AFF1: variants seen among roughly 807,000 people sequenced by gnomAD.
AFF1 encodes the protein ALF transcription elongation factor 1.
In AFF1, 48 loss-of-function variants were observed where a neutral mutation model predicts 121.7. That is an observed-to-expected ratio of 0.39 (90% CI 0.31 to 0.50). AFF1 has a LOEUF of 0.50. AFF1 is among the 20% of genes least tolerant of loss of function. The probability of loss-of-function intolerance (pLI) is 0.76; values close to 1 mark genes in which losing one functional copy is unlikely to be tolerated. For missense variants in AFF1, 1,523 were observed against 1,511.7 expected (o/e 1.01, Z -0.12); for synonymous variants, 613 against 563.0 (o/e 1.09, Z -1.26).
chr4:86,978,055 G>A (rs1241766136), intron 2 of AFF1, among the ~76,000 whole-genome samples: 1 of 151,234 alleles, frequency 6.6e-6, no homozygotes, highest in Non-Finnish European at 1.5e-5. Context: ...GCTATGATGT[G>A]GTTTAGTTGT....
intron 3 of AFF1, 31 bp downstream of exon 3, chr4:87,046,317 T>C (rs776109628): frequency 5.2e-5 from 84 of 1,603,656 alleles, no homozygotes; most frequent in Non-Finnish European, 7.0e-5. Flanking sequence ...ATTGAAGTCC[T>C]GATTTATCAC....
At chr4:87,125,757 T>TG (rs1341089284) in intron 13 of AFF1, among the ~76,000 whole-genome samples, 4 of 152,088 alleles carry the variant, frequency 2.6e-5, no homozygotes, top group African/African-American at 9.7e-5. Context: ...CCGACAGAGA[T>TG]GGGGAAGGCT....
intron 2 of AFF1, among the ~76,000 whole-genome samples, chr4:87,006,671 T>C (rs1726151282): frequency 1.3e-5 from 2 of 152,230 alleles, no homozygotes; most frequent in South Asian, 2.1e-4. Context: ...GGGGGCCCCA[T>C]ATTCAACAAA....
At chr4:87,044,476 G>T (rs1269378966) in intron 2 of AFF1, among the ~76,000 whole-genome samples, 3 of 152,182 alleles carry the variant, frequency 2.0e-5, no homozygotes, top group African/African-American at 7.2e-5. Flanking sequence ...GATGTGTTAG[G>T]TAAGCACATA....
intron 2 of AFF1, among the ~76,000 whole-genome samples, chr4:86,979,171 C>T (rs1388286986): frequency 6.6e-6 from 1 of 152,156 alleles, no homozygotes; most frequent in African/African-American, 2.4e-5. Flanking sequence ...GATCTCGACT[C>T]ACTGCAACCT....
chr4:87,040,679 C>T (rs1447206514), intron 2 of AFF1, among the ~76,000 whole-genome samples: 1 of 151,776 alleles, frequency 6.6e-6, no homozygotes, highest in African/African-American at 2.4e-5. Context: ...AAACAGTTCT[C>T]CTGCCTCAGC....
intron 2 of AFF1, among the ~76,000 whole-genome samples, chr4:86,979,095 T>C (rs996972030): frequency 2.6e-5 from 4 of 152,106 alleles, no homozygotes; most frequent in Non-Finnish European, 5.9e-5. Context: ...CCTTTGCCTC[T>C]GCCTCTCTTT....
intron 2 of AFF1, among the ~76,000 whole-genome samples, chr4:86,954,272 T>C (rs1721584604): frequency 6.6e-6 from 1 of 152,224 alleles, no homozygotes; most frequent in Non-Finnish European, 1.5e-5. Context: ...GGGTAAAATA[T>C]CTACATGACT....
intron 12 of AFF1, among the ~76,000 whole-genome samples, chr4:87,121,888 A>G (rs1161363220): frequency 1.3e-5 from 2 of 152,218 alleles, no homozygotes; most frequent in Non-Finnish European, 2.9e-5. Context: ...CCTGACTTGT[A>G]TCTTCATGTG....
chr4:87,047,330 C>T lies in AFF1; in HGVS notation c.795C>T (p.Thr265=), dbSNP rs768447096. Residue 265 remains threonine (T), a synonymous_variant, in exon 4 of 21, where the codon ACC becomes ACT. Transcript: ENST00000395146. ...DLAVKVHDKE[T]PQDSLVAPAQ... Reference sequence around the variant, plus strand: ...CAGTGAAAGTCCATGATAAAGAGACCCCTCAAGACAGTTTGGTGGCCCCTG... The same window carrying T: ...CAGTGAAAGTCCATGATAAAGAGACTCCTCAAGACAGTTTGGTGGCCCCTG... 2 of 1,613,984 alleles carry T rather than the reference C, an allele frequency of 1.2e-6. No individual in the cohort carries two copies. Among genetic ancestry groups the T allele is most frequent in the African/African-American group, 1.3e-5 (1 of 74,896 alleles).
intron 13 of AFF1, chr4:87,125,394 A>G (rs766514229): frequency 9.6e-5 from 28 of 292,130 alleles, no homozygotes; most frequent in South Asian, 1.4e-4. Context: ...AGACATCTGG[A>G]TTTTTTTTTT....
chr4:87,135,547 A>C, intron 20 of AFF1, 33 bp from the exon 21 acceptor site: 1 of 1,494,680 alleles, frequency 6.7e-7, no homozygotes, highest in Non-Finnish European at 8.9e-7. Context: ...TTGTGTATTT[A>C]CTTGTTTTTG....
chr4:86,963,703 T>C (rs1722314439), intron 2 of AFF1, among the ~76,000 whole-genome samples: 1 of 152,206 alleles, frequency 6.6e-6, no homozygotes, highest in Admixed American at 6.5e-5. Context: ...TTTCTCAACC[T>C]GGAATGAGTT....
At chr4:86,936,380 A>C (rs1250329029) in intron 1 of AFF1, 1 of 152,316 alleles carries the variant, frequency 6.6e-6, no homozygotes. Context: ...AGAAGAGCTC[A>C]GAAACTGAAG....
chr4:87,125,987 A>T, intron 13 of AFF1, 112 bp from the exon 14 acceptor site: 1 of 1,109,512 alleles, frequency 9.0e-7, no homozygotes, highest in Non-Finnish European at 1.3e-6. Flanking sequence ...ACACAGTTTC[A>T]TGCTTTGTGA....
chr4:87,129,825 G>A (rs376639492), intron 16 of AFF1, among the ~76,000 whole-genome samples: 1 of 152,174 alleles, frequency 6.6e-6, no homozygotes, highest in Non-Finnish European at 1.5e-5. Context: ...TCTGTTGTCA[G>A]CTCACTGGGA....
intron 4 of AFF1, among the ~76,000 whole-genome samples, chr4:87,049,316 A>G (rs1731042505): frequency 6.6e-6 from 1 of 152,006 alleles, no homozygotes. Context: ...TTAGAGAACA[A>G]TTGAGTTTTC....
intron 2 of AFF1, among the ~76,000 whole-genome samples, chr4:86,988,802 G>T (rs1453341014): frequency 6.6e-6 from 1 of 151,980 alleles, no homozygotes; most frequent in East Asian, 1.9e-4. Flanking sequence ...ACAAGGCTAC[G>T]GTAACCAAAA....
intron 5 of AFF1, among the ~76,000 whole-genome samples, chr4:87,088,608 T>A (rs1249319700): frequency 1.3e-5 from 2 of 151,918 alleles, no homozygotes; most frequent in East Asian, 3.9e-4. Context: ...TATGTCAATT[T>A]TTTTTTTTGT....
Sources: allele counts gnomAD v4.1 joint callset (sites outside exome capture counted in the v4.1 genomes callset), GRCh38; gene constraint gnomAD v4.1.1; transcripts MANE v1.5; gene names NCBI Gene and HGNC (gene_info 2026-07-23, HGNC 2026-07-21).